The following PCDHA9 variants were observed in gnomAD, a reference collection of about 807,000 sequenced individuals.
PCDHA9 encodes the protein protocadherin alpha-9.
A neutral mutation model predicts 62.0 loss-of-function variants in PCDHA9; 62 were observed. The ratio of observed to expected loss-of-function variants is 1.00; its 90% CI spans 0.81 to 1.23. The LOEUF is 1.23. PCDHA9 is among the 50% of genes most tolerant of loss of function. The pLI is 0.00. For missense variants in PCDHA9, 1,205 were observed against 1,249.8 expected, an observed-to-expected ratio of 0.96 and a Z score of 0.54; for synonymous variants, 557 against 567.6, an observed-to-expected ratio of 0.98 and a Z score of 0.27.
intron 1 of PCDHA9, chr5:140,869,245 A>G: frequency 1.2e-6 from 2 of 1,613,628 alleles, no homozygotes; most frequent in Non-Finnish European, 1.7e-6. Context: ...CGTGGGCCGC[A>G]TCGCGCAGGA....
intron 1 of PCDHA9, chr5:140,928,189 G>A (rs1563102575): frequency 2.5e-6 from 4 of 1,614,214 alleles, no homozygotes; most frequent in Non-Finnish European, 3.4e-6. Context: ...GACAATCACT[G>A]TGTCAGTTGC....
intron 3 of PCDHA9, among the ~76,000 whole-genome samples, chr5:140,999,721 G>T (rs2097872214): frequency 6.6e-6 from 1 of 152,150 alleles, no homozygotes; most frequent in South Asian, 2.1e-4. Flanking sequence ...ACGGAGACCA[G>T]CCATTCCAAT....
intron 1 of PCDHA9, among the ~76,000 whole-genome samples, chr5:140,909,316 G>C (rs2074435468): frequency 6.6e-6 from 1 of 152,198 alleles, no homozygotes; most frequent in Non-Finnish European, 1.5e-5. Flanking sequence ...AAAGGCATTT[G>C]CCAAATCAAT....
intron 1 of PCDHA9, chr5:140,928,323 T>C: frequency 1.2e-6 from 2 of 1,614,178 alleles, no homozygotes; most frequent in Non-Finnish European, 1.7e-6. Context: ...TGGGGAAGAA[T>C]GGCCTTGTCT....
At chr5:140,991,614 A>G (rs1554252334) in intron 3 of PCDHA9, among the ~76,000 whole-genome samples, 2 of 152,194 alleles carry the variant, frequency 1.3e-5, no homozygotes, top group Non-Finnish European at 2.9e-5. Flanking sequence ...AGCACCTTTA[A>G]TGCCATATTT....
In PCDHA9 at chr5:140,853,931, G is replaced by T. The variant is rs2042911351; in HGVS notation, c.2394+3042G>T. The T allele has an allele frequency of 3.5e-6, 3 of 868,826 alleles. No homozygotes were observed. The South Asian group carries it at 1.6e-4, about 45-fold the overall frequency. The allele number at this position is 868,826 out of a possible 1,614,324, so 53.8% of individuals were successfully genotyped here. A position where few individuals can be genotyped will look rare whatever the true frequency, so the allele number is the denominator to read the frequency against. ...CACCTGCAATCCCAACATTTTGGGA[G>T]GCCAAGGTGGGAGGGTCCCTTCCTT... On this transcript the variant is annotated intron_variant, in intron 1 of 3. Coordinates refer to ENST00000532602, the MANE Select transcript of PCDHA9 (RefSeq NM_031857.2).
Position 140,848,438 on chromosome 5 carries a change from T to C in PCDHA9, c.-58T>C. 6.8e-7 allele frequency: 1 copy of C among 1,477,490 alleles called. No homozygotes were observed. Among genetic ancestry groups the C allele is most frequent in the Non-Finnish European group, 9.2e-7 (1 of 1,082,046 alleles). 91.5% of individuals were successfully genotyped at this position (1,477,490 alleles called of 1,614,324 possible). A position where few individuals can be genotyped will look rare whatever the true frequency, so the allele number is the denominator to read the frequency against. ...GCAGAATGGGACTGACGAAATCAGA[T>C]GATTTCTTCTAATTTGGAGGCAATT... On this transcript the variant is annotated 5_prime_UTR_variant, in exon 1 of 4. The change abolishes an upstream ATG in the 5' untranslated region. Transcript: ENST00000532602.
chr5:140,870,910 A>G (rs2052532769), intron 1 of PCDHA9: 1 of 1,613,930 alleles, frequency 6.2e-7, no homozygotes, highest in South Asian at 1.1e-5. Context: ...CTCAGGCTAC[A>G]ACGCGTGGCT....
intron 1 of PCDHA9, among the ~76,000 whole-genome samples, chr5:140,939,048 A>T (rs931079281): frequency 1.3e-5 from 2 of 152,180 alleles, no homozygotes; most frequent in Admixed American, 6.5e-5. Flanking sequence ...GTCTTAGTCC[A>T]TTTGGGCTGC....
chr5:140,898,018 C>G (rs1189161004), intron 1 of PCDHA9, among the ~76,000 whole-genome samples: 1 of 152,062 alleles, frequency 6.6e-6, no homozygotes, highest in African/African-American at 2.4e-5. Flanking sequence ...TATCCTTTGC[C>G]CACTTTTTGA....
intron 1 of PCDHA9, among the ~76,000 whole-genome samples, chr5:140,912,377 A>T (rs1202586249): frequency 1.3e-5 from 2 of 149,084 alleles, no homozygotes; most frequent in Admixed American, 6.7e-5. Context: ...TGTAAAAGGG[A>T]TTGAGTTCTT....
rs2150427245 is a variant in PCDHA9 at position 140,848,969 on chromosome 5, C to G, written c.474C>G (p.Ser158=). Residue 158 remains serine (S), a synonymous_variant, in exon 1 of 4, where the codon TCC becomes TCG. Coordinates refer to ENST00000532602, the MANE Select transcript of PCDHA9 (RefSeq NM_031857.2). The stretch of plus-strand genomic sequence containing the variant: ...CTCGGTTTCCACTAGAGGGCGCGTC[C>G]GATGCAGATATCGGGGAGAACGCCC... ...LDSRFPLEGA[S]DADIGENALL... 31 of 1,604,278 alleles carry G rather than the reference C, an allele frequency of 1.9e-5. No individual in the cohort carries two copies. Among genetic ancestry groups the G allele is most frequent in the Non-Finnish European group, 2.6e-5 (30 of 1,174,846 alleles).
At chr5:140,995,352 C>T (rs976879377) in intron 3 of PCDHA9, among the ~76,000 whole-genome samples, 2 of 152,006 alleles carry the variant, frequency 1.3e-5, no homozygotes, top group Non-Finnish European at 2.9e-5. Context: ...ATGGATAGGT[C>T]GGACAGAGGG....
chr5:140,997,719 C>T (rs1456038917), intron 3 of PCDHA9, among the ~76,000 whole-genome samples: 1 of 150,932 alleles, frequency 6.6e-6, no homozygotes, highest in East Asian at 1.9e-4. Context: ...CACCTTTCTA[C>T]GTCAGTACAT....
chr5:140,856,960 T>C, intron 1 of PCDHA9: 2 of 1,593,258 alleles, frequency 1.3e-6, no homozygotes, highest in Non-Finnish European at 8.6e-7. Flanking sequence ...TAAAAGTAAA[T>C]GATGCTATTG....
At chr5:140,939,119 C>A (rs1427966155) in intron 1 of PCDHA9, among the ~76,000 whole-genome samples, 9 of 152,170 alleles carry the variant, frequency 5.9e-5, no homozygotes, top group African/African-American at 1.7e-4. Flanking sequence ...TTTCACAATT[C>A]TGGAAGCTGG....
intron 1 of PCDHA9, chr5:140,870,228 C>T: frequency 6.2e-7 from 1 of 1,614,186 alleles, no homozygotes; most frequent in South Asian, 1.1e-5. Context: ...GCGTGTCTGA[C>T]CGTGACTCAG....
chr5:140,929,613 C>G (rs1485250435), intron 1 of PCDHA9: 2 of 406,044 alleles, frequency 4.9e-6, no homozygotes, highest in Admixed American at 8.8e-5. Flanking sequence ...AATAAAATAC[C>G]AAAATATTTT....
At chr5:140,977,815 G>C (rs2096776039) in intron 1 of PCDHA9, among the ~76,000 whole-genome samples, 1 of 152,208 alleles carries the variant, frequency 6.6e-6, no homozygotes, top group Non-Finnish European at 1.5e-5. Context: ...ATTATTGACA[G>C]TTTTGAATGG....
Sources: gnomAD v4.1 joint callset for allele counts (sites outside exome capture counted in the v4.1 genomes callset) on GRCh38, gnomAD v4.1.1 for gene constraint, MANE v1.5 for transcripts, NCBI Gene and HGNC (gene_info 2026-07-23, HGNC 2026-07-21) for gene names.